Variants in TBC1D23 observed in about 807,000 individuals in gnomAD.
TBC1D23 encodes the protein HCV non-structural protein 4A-transactivated protein 1.
TBC1D23 carries 55 observed loss-of-function variants against 91.4 expected under a neutral mutation model. The ratio of observed to expected loss-of-function variants is 0.60; its 90% CI spans 0.48 to 0.75. The LOEUF is 0.75. TBC1D23 is among the 30% of genes least tolerant of loss of function. The probability of loss-of-function intolerance (pLI) is 0.00; values close to 1 mark genes in which losing one functional copy is unlikely to be tolerated. For missense variants in TBC1D23, 725 were observed against 836.1 expected (o/e 0.87, Z 1.64); for synonymous variants, 289 against 281.0 (o/e 1.03, Z -0.28).
At chr3:100,322,698 G>C (rs2148875515) in intron 18 of TBC1D23, among the ~76,000 whole-genome samples, 1 of 152,066 alleles carries the variant, frequency 6.6e-6, no homozygotes, top group Non-Finnish European at 1.5e-5. Context: ...TAAAAGTTGG[G>C]AATTGTGTTT....
intron 5 of TBC1D23, 66 bp from the exon 6 acceptor site, chr3:100,295,021 T>C (rs2148861337): frequency 7.0e-7 from 1 of 1,436,400 alleles, no homozygotes; most frequent in East Asian, 2.3e-5. Context: ...TCATTTGCTT[T>C]AATACTTTTA....
chr3:100,290,488 G>A, intron 4 of TBC1D23, 90 bp from the exon 5 acceptor site: 2 of 1,131,448 alleles, frequency 1.8e-6, no homozygotes, highest in Non-Finnish European at 2.6e-6. Context: ...TCCAGTGAAT[G>A]CTGTGGAGGG....
chr3:100,304,556 C>T (rs185618321), intron 11 of TBC1D23, among the ~76,000 whole-genome samples: 92 of 152,214 alleles, frequency 6.0e-4, no homozygotes, highest in Non-Finnish European at 1.1e-3. Flanking sequence ...TACTGTTTAA[C>T]TAATTTTGGT....
intron 10 of TBC1D23, among the ~76,000 whole-genome samples, chr3:100,300,498 AT>A (rs66553332): frequency 0.21 from 26,322 of 125,184 alleles, 2,011 homozygotes; most frequent in East Asian, 0.42. Flanking sequence ...ACTTGAATTA[AT>A]TTTTTTTTTT....
intron 10 of TBC1D23, among the ~76,000 whole-genome samples, chr3:100,300,020 C>A (rs542491810): frequency 6.6e-6 from 1 of 152,146 alleles, no homozygotes; most frequent in South Asian, 2.1e-4. Context: ...ATAGTATGAG[C>A]CATTTTTAAT....
chr3:100,272,165 AGTTT>A (rs925271416), intron 1 of TBC1D23, among the ~76,000 whole-genome samples: 69 of 152,326 alleles, frequency 4.5e-4, no homozygotes, highest in African/African-American at 1.6e-3. Flanking sequence ...TTTAAAATAC[AGTTT>A]GTTGTCAGCT....
rs771961572 is a variant in TBC1D23, at chr3:100,306,488, A to C, written c.1358A>C (p.Tyr453Ser). 5 of 1,612,420 alleles carry C rather than the reference A, an allele frequency of 3.1e-6. No homozygotes were observed. Among genetic ancestry groups the C allele is most frequent in the Non-Finnish European group, 4.2e-6 (5 of 1,178,652 alleles). The change falls in exon 13 of 19, where the codon TAT becomes TCT. Residue 453 changes from tyrosine to serine, a missense_variant. Coordinates refer to ENST00000394144, the MANE Select transcript of TBC1D23 (RefSeq NM_001199198.3). ...DINVDGPENG[Y>S]GHWIASTSGS... ...AATGTGGATGGACCAGAAAATGGAT[A>C]TGGCCATTGGATTGCTAGTACCTCA...
rs748344333 is a variant in TBC1D23, at chr3:100,323,692, G to T, written c.*24G>T. 12 of 1,289,022 alleles carry T rather than the reference G, an allele frequency of 9.3e-6. 1 individual carries two copies. In the Admixed American group the frequency reaches 1.2e-4, roughly 13 times the overall value. The allele number at this position is 1,289,022 out of a possible 1,614,324, so 79.8% of individuals were successfully genotyped here. A position where few individuals can be genotyped will look rare whatever the true frequency, so the allele number is the denominator to read the frequency against. On this transcript the variant is annotated 3_prime_UTR_variant, in exon 19 of 19. Coordinates refer to ENST00000394144, the MANE Select transcript of TBC1D23 (RefSeq NM_001199198.3). ...AATATAAAAGAAAATTATATAAAAA[G>T]AAATTAAGACAACCAAGAGAAACAT...
intron 5 of TBC1D23, among the ~76,000 whole-genome samples, chr3:100,294,776 CTAGT>C (rs2067823497): frequency 6.6e-6 from 1 of 152,070 alleles, no homozygotes; most frequent in African/African-American, 2.4e-5. Context: ...AAGATATGTG[CTAGT>C]TACTTTAGGT....
In TBC1D23 at chr3:100,312,993, T is replaced by C. The variant is rs138378370; in HGVS notation, c.1598+1116T>C. 4.7e-3 allele frequency among the ~76,000 whole-genome samples: 711 copies of C among 150,836 alleles called. 2 individuals carry two copies. Among genetic ancestry groups the C allele is most frequent in the Non-Finnish European group, 6.4e-3 (432 of 67,748 alleles). ...ATAGTGAAACCCCGTCTCTACAGAG[T>C]GAGACTGCGTCTCAAAAAATAATAA... On this transcript the variant is annotated intron_variant, in intron 15 of 18. Transcript: ENST00000394144.
chr3:100,286,747 C>G (rs530158154), intron 4 of TBC1D23, among the ~76,000 whole-genome samples: 6 of 152,114 alleles, frequency 3.9e-5, no homozygotes, highest in African/African-American at 1.2e-4. Flanking sequence ...CCGCCCAACT[C>G]GACCTCCCAA....
In TBC1D23 at chr3:100,307,088, T is replaced by G. The variant is rs1185316477; in HGVS notation, c.1413+545T>G. Among the ~76,000 whole-genome samples the G allele has an allele frequency of 2.0e-5, 3 of 152,226 alleles. No homozygotes were observed. In the East Asian group the frequency reaches 5.8e-4, roughly 29 times the overall value. ...GAACAAGTTGCCAATCCTATTTTAT[T>G]TGATTTTTAGTTATTGAGATGTGTA... On this transcript the variant is annotated intron_variant, in intron 13 of 18. Coordinates refer to ENST00000394144, the MANE Select transcript of TBC1D23 (RefSeq NM_001199198.3).
chr3:100,307,471 G>A (rs1469579757), intron 13 of TBC1D23, among the ~76,000 whole-genome samples: 1 of 152,154 alleles, frequency 6.6e-6, no homozygotes, highest in African/African-American at 2.4e-5. Context: ...TCTTTCTAAG[G>A]ATAACTTGAG....
chr3:100,281,836 T>C lies in TBC1D23; in HGVS notation c.260T>C (p.Leu87Pro), dbSNP rs367659683. ...CAGAACACTATTCACAAAGATTGCC[T>C]GCAGTTTATTGGTAAGCTGAATAAT... ...PEQNTIHKDCLQFIDQLSVPE... is the reference protein window; with the variant it reads ...PEQNTIHKDCPQFIDQLSVPE... The change falls in exon 3 of 19, where the codon CTG becomes CCG. Residue 87 changes from leucine to proline, a missense_variant. Coordinates refer to ENST00000394144, the MANE Select transcript of TBC1D23 (RefSeq NM_001199198.3). 3.1e-6 allele frequency: 5 copies of C among 1,603,736 alleles called. No homozygotes were observed. The highest frequency in any genetic ancestry group is 4.3e-6 in the Non-Finnish European group (5 of 1,172,990).
rs1227757819 is a variant in TBC1D23, at chr3:100,311,875, G to A, written c.1596G>A (p.Glu532=). The change falls in exon 15 of 19, where the codon GAG becomes GAA. Residue 532 remains glutamate (E), a splice_region_variant and synonymous_variant. Coordinates refer to ENST00000394144, the MANE Select transcript of TBC1D23 (RefSeq NM_001199198.3). ...NLPWPDRSCT[E]RHVSSSDRVG... is the part of the protein sequence containing the mutation. ...CTTGGCCAGACAGATCATGTACAGA[G>A]CGGTAAGCCAATGAGTAGAGCATTT... 3.3e-6 allele frequency: 5 copies of A among 1,533,584 alleles called. No individual in the cohort carries two copies. Among genetic ancestry groups the A allele is most frequent in the East Asian group, 2.4e-5 (1 of 40,872 alleles). The allele number at this position is 1,533,584 out of a possible 1,614,324, so 95.0% of individuals were successfully genotyped here. A position where few individuals can be genotyped will look rare whatever the true frequency, so the allele number is the denominator to read the frequency against.
At chr3:100,297,376 A>C (rs1293909303) in intron 8 of TBC1D23, among the ~76,000 whole-genome samples, 3 of 152,176 alleles carry the variant, frequency 2.0e-5, no homozygotes, top group Non-Finnish European at 4.4e-5. Flanking sequence ...TATTTTAATA[A>C]TTTTCTTATA....
intron 1 of TBC1D23, among the ~76,000 whole-genome samples, chr3:100,267,812 T>C (rs1196186774): frequency 6.6e-6 from 1 of 152,190 alleles, no homozygotes; most frequent in East Asian, 1.9e-4. Context: ...AGCGTTACTC[T>C]TTATATATAA....
intron 2 of TBC1D23, 120 bp from the exon 3 acceptor site, chr3:100,281,622 G>A (rs780042591): frequency 1.6e-6 from 1 of 611,336 alleles, no homozygotes; most frequent in Admixed American, 2.8e-5. Context: ...GTGGAGTATG[G>A]ATACCTTAAT....
intron 16 of TBC1D23, among the ~76,000 whole-genome samples, chr3:100,318,776 G>A (rs948795077): frequency 4.0e-5 from 6 of 151,142 alleles, no homozygotes; most frequent in South Asian, 2.1e-4. Flanking sequence ...TCAGCCTCCC[G>A]AGTATTTGAG....
Sources: allele counts gnomAD v4.1 joint callset (sites outside exome capture counted in the v4.1 genomes callset), GRCh38; gene constraint gnomAD v4.1.1; transcripts MANE v1.5; gene names NCBI Gene and HGNC (gene_info 2026-07-23, HGNC 2026-07-21).